The following KIAA1549L variants were observed in gnomAD, a reference collection of about 807,000 sequenced individuals.
The protein encoded by KIAA1549L is KIAA1549 like, also known as UPF0606 protein KIAA1549L.
KIAA1549L carries 88 observed loss-of-function variants against 160.7 expected under a neutral mutation model. That is an observed-to-expected ratio of 0.55 (90% CI 0.46 to 0.65). The LOEUF is 0.65. Among genes scored for constraint, KIAA1549L ranks in the 30% least tolerant of loss-of-function variants. The pLI is 0.00. For missense variants in KIAA1549L, 2,258 were observed against 2,437.5 expected (o/e 0.93, Z 1.55); for synonymous variants, 950 against 976.7 (o/e 0.97, Z 0.51).
At chr11:33,492,759 C>T (rs1219213245) in intron 1 of KIAA1549L, among the ~76,000 whole-genome samples, 1 of 152,142 alleles carries the variant, frequency 6.6e-6, no homozygotes, top group Admixed American at 6.5e-5. Context: ...TGTTTCCTAT[C>T]AAAAGCTATC....
intron 6 of KIAA1549L, among the ~76,000 whole-genome samples, chr11:33,554,608 G>A (rs1307657212): frequency 6.6e-6 from 1 of 152,164 alleles, no homozygotes; most frequent in Non-Finnish European, 1.5e-5. Flanking sequence ...ACAGTCTTGT[G>A]GAACCAAAGT....
intron 1 of KIAA1549L, among the ~76,000 whole-genome samples, chr11:33,406,484 A>G (rs954087588): frequency 1.3e-5 from 2 of 152,252 alleles, no homozygotes; most frequent in African/African-American, 4.8e-5. Context: ...CTTTGGTCCG[A>G]ATCCTATCAT....
At position 33,591,434 on chromosome 11, in the gene KIAA1549L, C is replaced by T. The variant is rs1850050532; in HGVS notation, c.4751+13C>T. ...AAACCAGGAAGAGGTAGGCACGGGGCTGACTTCTGCCTCTCTGTGTCAGCA... is the reference window on the plus strand; with the variant it reads ...AAACCAGGAAGAGGTAGGCACGGGGTTGACTTCTGCCTCTCTGTGTCAGCA... On this transcript the variant is annotated intron_variant, in intron 12 of 20. Coordinates refer to ENST00000658780, the MANE Select transcript of KIAA1549L (RefSeq NM_012194.3). 1 of 1,581,380 alleles carries T rather than the reference C, an allele frequency of 6.3e-7. No individual in the cohort carries two copies. The highest frequency in any genetic ancestry group is 1.4e-5 in the African/African-American group (1 of 74,026).
At chr11:33,408,949 CAAAAAAAAAAA>C in intron 1 of KIAA1549L, among the ~76,000 whole-genome samples, 1 of 66,846 alleles carries the variant, frequency 1.5e-5, no homozygotes, top group Non-Finnish European at 2.7e-5. Flanking sequence ...GACTCCATCT[CAAAAAAAAAAA>C]AAAAAAAAAA....
intron 20 of KIAA1549L, among the ~76,000 whole-genome samples, chr11:33,667,519 A>G (rs1590471539): frequency 1.3e-5 from 2 of 152,052 alleles, no homozygotes; most frequent in African/African-American, 4.8e-5. Flanking sequence ...CAGCCTCCCA[A>G]GTAGCTGGGA....
rs34208718 is a variant in KIAA1549L at position 33,408,489 on chromosome 11, G to GTGTGTATATATATATA, written c.238+31601_238+31602insGTGTATATATATATAT. Among the ~76,000 whole-genome samples, 892 of 122,962 alleles carry GTGTGTATATATATATA rather than the reference G, an allele frequency of 7.3e-3. 18 individuals carry two copies. Among genetic ancestry groups the GTGTGTATATATATATA allele is most frequent in the African/African-American group, 0.028 (859 of 30,916 alleles). The allele number at this position is 122,962 out of a possible 152,430, so 80.7% of individuals were successfully genotyped here. ...ATATATATACATACTCTGTATATGT[G>GTGTGTATATATATATA]TATATATATATATATATATATACAC... On this transcript the variant is annotated intron_variant, in intron 1 of 20. Coordinates refer to ENST00000658780, the MANE Select transcript of KIAA1549L (RefSeq NM_012194.3).
At position 33,545,060 on chromosome 11, in the gene KIAA1549L, A is replaced by G. The variant is rs769634615; in HGVS notation, c.3067A>G (p.Thr1023Ala). ...ARTGHTTSTH[T>A]AMQGNMDTAS... ...AACAGGACATACCACGAGCACACATACAGCCATGCAAGGAAACATGGACAC... is the reference window on the plus strand; with the variant it reads ...AACAGGACATACCACGAGCACACATGCAGCCATGCAAGGAAACATGGACAC... The change falls in exon 3 of 21, where the codon ACA becomes GCA. Residue 1023 changes from threonine (T) to alanine (A), a missense_variant. This residue lies in a region of KIAA1549L where 1,359 missense variants were observed against 1,546.6 expected (regional missense o/e 0.88). Coordinates refer to ENST00000658780, the MANE Select transcript of KIAA1549L (RefSeq NM_012194.3). 9.3e-6 allele frequency: 15 copies of G among 1,613,932 alleles called. No homozygotes were observed. The highest frequency in any genetic ancestry group is 1.3e-5 in the African/African-American group (1 of 74,934).
chr11:33,400,080 G>A (rs532900429), intron 1 of KIAA1549L, among the ~76,000 whole-genome samples: 7 of 152,226 alleles, frequency 4.6e-5, no homozygotes, highest in Non-Finnish European at 1.0e-4. Flanking sequence ...TTAATTAATA[G>A]AAAAATAATT....
chr11:33,426,419 C>G (rs1851117276), intron 1 of KIAA1549L, among the ~76,000 whole-genome samples: 1 of 152,136 alleles, frequency 6.6e-6, no homozygotes, highest in African/African-American at 2.4e-5. Flanking sequence ...CTAAAGGAGT[C>G]AAACTGTATC....
intron 1 of KIAA1549L, among the ~76,000 whole-genome samples, chr11:33,499,413 A>G (rs554670430): frequency 2.6e-4 from 40 of 152,084 alleles, no homozygotes; most frequent in Admixed American, 4.6e-4. Flanking sequence ...TATTTTGGGG[A>G]GGGGGATTTG....
intron 16 of KIAA1549L, among the ~76,000 whole-genome samples, chr11:33,642,197 TGA>T (rs1272604293): frequency 1.3e-5 from 2 of 152,220 alleles, no homozygotes; most frequent in South Asian, 4.1e-4. Context: ...ATTTTACAGA[TGA>T]GGAGCCTGAG....
intron 16 of KIAA1549L, among the ~76,000 whole-genome samples, chr11:33,633,729 T>G (rs1250425200): frequency 6.6e-6 from 1 of 152,138 alleles, no homozygotes; most frequent in Non-Finnish European, 1.5e-5. Flanking sequence ...TGACTGTGGT[T>G]TATATATTGT....
chr11:33,672,604 A>G lies in KIAA1549L; in HGVS notation c.*4450A>G, dbSNP rs1428606739. ...ACTAGTACTCCTGGGATGCCATGCC[A>G]CGCAGCAGCCAGCACTCGGAGAGCA... On this transcript the variant is annotated 3_prime_UTR_variant, in exon 21 of 21. Transcript: ENST00000658780. 1 of 153,930 alleles carries G rather than the reference A, an allele frequency of 6.5e-6. No individual in the cohort carries two copies. 9.5% of individuals were successfully genotyped at this position (153,930 alleles called of 1,614,324 possible). A position where few individuals can be genotyped will look rare whatever the true frequency, so the allele number is the denominator to read the frequency against.
chr11:33,530,746 T>G (rs1054661699), intron 1 of KIAA1549L, among the ~76,000 whole-genome samples: 5 of 152,116 alleles, frequency 3.3e-5, no homozygotes, highest in African/African-American at 7.2e-5. Context: ...ATAGGGATTG[T>G]GATGACAAAA....
chr11:33,386,560 G>A (rs1303518106), intron 1 of KIAA1549L, among the ~76,000 whole-genome samples: 1 of 152,056 alleles, frequency 6.6e-6, no homozygotes, highest in Non-Finnish European at 1.5e-5. Context: ...GTGGGTGCCT[G>A]TAATCCCAGC....
At chr11:33,384,058 G>A (rs917600347) in intron 1 of KIAA1549L, among the ~76,000 whole-genome samples, 8 of 151,978 alleles carry the variant, frequency 5.3e-5, no homozygotes, top group African/African-American at 1.7e-4. Context: ...GCAATCATGC[G>A]TCCACCACCA....
intron 1 of KIAA1549L, among the ~76,000 whole-genome samples, chr11:33,527,791 CAAAAGAAGATGGTACAAG>C (rs1382981101): frequency 6.6e-6 from 1 of 152,036 alleles, no homozygotes; most frequent in Non-Finnish European, 1.5e-5. Flanking sequence ...AGACAATTCT[CAAAAGAAGATGGTACAAG>C]AAAAGAAGAT....
At chr11:33,518,062 C>A (rs1853390813) in intron 1 of KIAA1549L, among the ~76,000 whole-genome samples, 1 of 140,390 alleles carries the variant, frequency 7.1e-6, no homozygotes, top group East Asian at 2.2e-4. Context: ...TTGCTTGAAC[C>A]CAGGAGGCAG....
rs1317576579 is a variant in KIAA1549L at position 33,421,884 on chromosome 11, T to C, written c.238+44995T>C. 2.6e-5 allele frequency among the ~76,000 whole-genome samples: 4 copies of C among 152,158 alleles called. No individual in the cohort carries two copies. In the East Asian group the frequency reaches 7.7e-4, roughly 29 times the overall value. ...ACAGATTGCTGGATCCCCTCATGGC[T>C]CCCCTGCTACCAAGAGTTGATTGAG... On this transcript the variant is annotated intron_variant, in intron 1 of 20. Transcript: ENST00000658780.
Sources: allele counts gnomAD v4.1 joint callset (sites outside exome capture counted in the v4.1 genomes callset), GRCh38; gene constraint gnomAD v4.1.1; regional missense constraint gnomAD v4.1.1; transcripts MANE v1.5; gene names NCBI Gene and HGNC (gene_info 2026-07-23, HGNC 2026-07-21).